KCNIP3: variants seen among roughly 807,000 people sequenced by gnomAD.
KCNIP3 encodes the protein potassium voltage-gated channel interacting protein 3.
KCNIP3 carries 28 observed loss-of-function variants against 35.0 expected under a neutral mutation model. That is an observed-to-expected ratio of 0.80 (90% CI 0.59 to 1.10). The LOEUF is 1.10. KCNIP3 is among the 50% of genes least tolerant of loss of function. The probability of loss-of-function intolerance (pLI) is 0.00; values close to 1 mark genes in which losing one functional copy is unlikely to be tolerated. For missense variants in KCNIP3, 295 were observed against 338.4 expected, an observed-to-expected ratio of 0.87 and a Z score of 1.01; for synonymous variants, 134 against 133.8, an observed-to-expected ratio of 1.00 and a Z score of -0.01.
chr2:95,315,281 G>C lies in KCNIP3; in HGVS notation c.181+4761G>C, dbSNP rs577431149. Among the ~76,000 whole-genome samples the C allele has an allele frequency of 3.1e-4, 47 of 152,310 alleles. 1 individual carries two copies. The highest frequency in any genetic ancestry group is 1.1e-3 in the African/African-American group (45 of 41,560). On this transcript the variant is annotated intron_variant, in intron 2 of 8. Transcript: ENST00000295225. ...GTGGCTGGCTGGGCACTGAACTGCA[G>C]CTGCAGCCTGATCGGCCCAGGGAGA...
Position 95,384,076 on chromosome 2 carries a change from C to G in KCNIP3, c.*27C>G. 1 of 1,608,490 alleles carries G rather than the reference C, an allele frequency of 6.2e-7. No individual in the cohort carries two copies. Among genetic ancestry groups the G allele is most frequent in the Admixed American group, 1.7e-5 (1 of 60,012 alleles). Reference sequence around the variant, plus strand: ...ACACGTCCAAAGGAGTGCATGGCCACAGCCACCTCCACCCCCAAGAAACCT... The same window carrying G: ...ACACGTCCAAAGGAGTGCATGGCCAGAGCCACCTCCACCCCCAAGAAACCT... On this transcript the variant is annotated 3_prime_UTR_variant, in exon 9 of 9. Coordinates refer to ENST00000295225, the MANE Select transcript of KCNIP3 (RefSeq NM_013434.5).
At chr2:95,348,013 T>C (rs576082548) in intron 2 of KCNIP3, among the ~76,000 whole-genome samples, 81 of 152,258 alleles carry the variant, frequency 5.3e-4, no homozygotes, top group Non-Finnish European at 1.0e-3. Context: ...TGCGAAGGGC[T>C]GCTGAGTGCG....
At chr2:95,300,652 G>T (rs1369226056) in intron 1 of KCNIP3, among the ~76,000 whole-genome samples, 1 of 152,250 alleles carries the variant, frequency 6.6e-6, no homozygotes, top group Non-Finnish European at 1.5e-5. Flanking sequence ...GACTGATGTT[G>T]CCTTTGAGCA....
At chr2:95,363,345 C>T (rs564524774) in intron 2 of KCNIP3, among the ~76,000 whole-genome samples, 1 of 152,232 alleles carries the variant, frequency 6.6e-6, no homozygotes, top group East Asian at 1.9e-4. Flanking sequence ...ATCCAGTTTT[C>T]CTAACACCAT....
intron 2 of KCNIP3, among the ~76,000 whole-genome samples, chr2:95,358,006 G>A (rs1378634744): frequency 6.6e-6 from 1 of 152,224 alleles, no homozygotes; most frequent in African/African-American, 2.4e-5. Flanking sequence ...GTACTGGTGG[G>A]GGGAGCATCT....
chr2:95,337,438 T>C (rs1679086986), intron 2 of KCNIP3, among the ~76,000 whole-genome samples: 1 of 152,098 alleles, frequency 6.6e-6, no homozygotes, highest in Non-Finnish European at 1.5e-5. Context: ...ATGATGTTTG[T>C]ATGGTTAAAA....
At chr2:95,367,209 G>A (rs962771528) in intron 2 of KCNIP3, among the ~76,000 whole-genome samples, 2 of 152,060 alleles carry the variant, frequency 1.3e-5, no homozygotes, top group African/African-American at 4.8e-5. Flanking sequence ...GGAGGCAGAG[G>A]TTGCAGTGAG....
intron 2 of KCNIP3, among the ~76,000 whole-genome samples, chr2:95,343,246 CT>C (rs1679261613): frequency 6.6e-6 from 1 of 152,022 alleles, no homozygotes; most frequent in African/African-American, 2.4e-5. Context: ...GATGGGGAGA[CT>C]TGGGAAGTGG....
rs1357988031 is a variant in KCNIP3 at position 95,377,022 on chromosome 2, C to T, written c.447+1814C>T. On this transcript the variant is annotated intron_variant, in intron 5 of 8. Coordinates refer to ENST00000295225, the MANE Select transcript of KCNIP3 (RefSeq NM_013434.5). The surrounding 1 kb of genome is among the most constrained non-coding windows in gnomAD (Gnocchi z 4.7). ...ACCAAATCGGAAAACACACAGACCT[C>T]AACAGAGCCAAGCGGGCGATGCCAT... Among the ~76,000 whole-genome samples the T allele has an allele frequency of 6.6e-6, 1 of 152,226 alleles. No individual in the cohort carries two copies. Among genetic ancestry groups the T allele is most frequent in the East Asian group, 1.9e-4 (1 of 5,198 alleles).
intron 2 of KCNIP3, among the ~76,000 whole-genome samples, chr2:95,371,940 G>A (rs1478272446): frequency 6.6e-6 from 1 of 151,790 alleles, no homozygotes; most frequent in Non-Finnish European, 1.5e-5. Flanking sequence ...GAGTAGCTGG[G>A]ATTACAGGTG....
chr2:95,353,521 T>A (rs1679579124), intron 2 of KCNIP3, among the ~76,000 whole-genome samples: 1 of 152,230 alleles, frequency 6.6e-6, no homozygotes, highest in South Asian at 2.1e-4. Flanking sequence ...AGGTGACTTC[T>A]CTACGTTTAA....
At chr2:95,374,080 C>T (rs1308544002) in intron 2 of KCNIP3, among the ~76,000 whole-genome samples, 1 of 152,218 alleles carries the variant, frequency 6.6e-6, no homozygotes, top group Admixed American at 6.5e-5. Flanking sequence ...TGGGGAGGCC[C>T]GCCCTGTGGG....
At chr2:95,372,953 G>C (rs1168418629) in intron 2 of KCNIP3, among the ~76,000 whole-genome samples, 1 of 152,246 alleles carries the variant, frequency 6.6e-6, no homozygotes, top group Non-Finnish European at 1.5e-5. Context: ...CACGCTCTCG[G>C]GAGAGGCCTG....
At chr2:95,341,371 T>C (rs565920628) in intron 2 of KCNIP3, among the ~76,000 whole-genome samples, 5 of 152,194 alleles carry the variant, frequency 3.3e-5, no homozygotes, top group Non-Finnish European at 5.9e-5. Context: ...ATGAGATGAA[T>C]ATACCTCTTT....
At chr2:95,303,732 C>G (rs1215059619) in intron 1 of KCNIP3, among the ~76,000 whole-genome samples, 1 of 152,186 alleles carries the variant, frequency 6.6e-6, no homozygotes, top group Non-Finnish European at 1.5e-5. Context: ...TGGCAGAGAG[C>G]AGCTGGGGCG....
chr2:95,348,728 C>T (rs924825695), intron 2 of KCNIP3, among the ~76,000 whole-genome samples: 2 of 152,166 alleles, frequency 1.3e-5, no homozygotes, highest in African/African-American at 4.8e-5. Flanking sequence ...CATGAGGCTC[C>T]GTTTTCTGTG....
At chr2:95,364,968 C>T (rs1679884496) in intron 2 of KCNIP3, among the ~76,000 whole-genome samples, 1 of 152,160 alleles carries the variant, frequency 6.6e-6, no homozygotes, top group Non-Finnish European at 1.5e-5. Flanking sequence ...TGCCTGTAGT[C>T]TCAGCTACTT....
At chr2:95,299,544 T>G (rs1448618113) in intron 1 of KCNIP3, among the ~76,000 whole-genome samples, 1 of 152,212 alleles carries the variant, frequency 6.6e-6, no homozygotes, top group Non-Finnish European at 1.5e-5. Context: ...ATTCCTATTC[T>G]AGACACTGAG....
At chr2:95,374,162 G>A in intron 2 of KCNIP3, 134 bp from the exon 3 acceptor site, 2 of 1,097,722 alleles carry the variant, frequency 1.8e-6, no homozygotes, top group African/African-American at 1.5e-5. Flanking sequence ...TGCACAGCCT[G>A]TGTGGCTGTC....
Sources: gnomAD v4.1 joint callset for allele counts (sites outside exome capture counted in the v4.1 genomes callset) on GRCh38, gnomAD v4.1.1 for gene constraint, Gnocchi (gnomAD v3.1) non-coding constraint, MANE v1.5 for transcripts, NCBI Gene and HGNC (gene_info 2026-07-23, HGNC 2026-07-21) for gene names.